ARB2A: variants seen among roughly 807,000 people sequenced by gnomAD.
ARB2A encodes cotranscriptional regulator ARB2A.
chr5:93,841,416 G>T, the ARB2A span, among the ~76,000 whole-genome samples: 1 of 152,132 alleles, frequency 6.6e-6, no homozygotes, highest in African/African-American at 2.4e-5. Flanking sequence ...ATGATTTAAA[G>T]TCTATGGGAG....
chr5:93,803,150 G>T, the ARB2A span, among the ~76,000 whole-genome samples: 1 of 152,058 alleles, frequency 6.6e-6, no homozygotes, highest in Non-Finnish European at 1.5e-5. Flanking sequence ...GCCTATCCAC[G>T]AGGAATGAGG....
chr5:93,827,808 T>C, the ARB2A span, among the ~76,000 whole-genome samples: 3 of 151,910 alleles, frequency 2.0e-5, no homozygotes, highest in Non-Finnish European at 4.4e-5. Context: ...TTCAGCTTTC[T>C]ACATATGGCT....
At chr5:93,743,446 A>T in the ARB2A span, 1 of 649,884 alleles carries the variant, frequency 1.5e-6, no homozygotes, top group Non-Finnish European at 1.9e-6. Context: ...ATTAGATTTT[A>T]AGATGACAGT....
At chr5:93,940,816 G>A in the ARB2A span, among the ~76,000 whole-genome samples, 3 of 151,990 alleles carry the variant, frequency 2.0e-5, no homozygotes, top group South Asian at 6.2e-4. Flanking sequence ...TTATAGCTTA[G>A]TGTCTCAGTT....
chr5:94,085,282 AG>A, the ARB2A span, among the ~76,000 whole-genome samples: 5 of 152,358 alleles, frequency 3.3e-5, no homozygotes, highest in African/African-American at 1.2e-4. Context: ...AGTGTCACAA[AG>A]CAACAATAAA....
At chr5:94,033,712 G>A in the ARB2A span, among the ~76,000 whole-genome samples, 17 of 152,252 alleles carry the variant, frequency 1.1e-4, no homozygotes, top group South Asian at 4.1e-4. Context: ...GGCATGAGCC[G>A]CTGTGCCTGG....
the ARB2A span, among the ~76,000 whole-genome samples, chr5:94,062,422 C>A: frequency 1.3e-5 from 2 of 152,002 alleles, no homozygotes; most frequent in East Asian, 1.9e-4. Context: ...AAGAAACACC[C>A]AAAAAGCAAA....
chr5:94,031,114 G>A, the ARB2A span, among the ~76,000 whole-genome samples: 1 of 152,304 alleles, frequency 6.6e-6, no homozygotes, highest in South Asian at 2.1e-4. Context: ...TTCTATACCT[G>A]AAAATATGGA....
chr5:93,690,549 C>T, the ARB2A span, among the ~76,000 whole-genome samples: 1 of 152,138 alleles, frequency 6.6e-6, no homozygotes, highest in South Asian at 2.1e-4. Context: ...AGGCAGCAGC[C>T]CCAGTCAGGG....
At chr5:94,012,629 G>A in the ARB2A span, among the ~76,000 whole-genome samples, 1 of 152,178 alleles carries the variant, frequency 6.6e-6, no homozygotes, top group Admixed American at 6.5e-5. Flanking sequence ...GTACATCAGG[G>A]AGCGACTCAA....
chr5:94,011,606 T>C, the ARB2A span, among the ~76,000 whole-genome samples: 14 of 152,128 alleles, frequency 9.2e-5, no homozygotes, highest in African/African-American at 3.4e-4. Context: ...GAATAACCAA[T>C]ATAATGTAGA....
the ARB2A span, among the ~76,000 whole-genome samples, chr5:93,702,981 T>C: frequency 6.6e-6 from 1 of 152,160 alleles, no homozygotes; most frequent in African/African-American, 2.4e-5. Context: ...ATCGATAGTT[T>C]AAATAAAAAA....
At chr5:93,641,699 C>T in the ARB2A span, among the ~76,000 whole-genome samples, 18 of 152,098 alleles carry the variant, frequency 1.2e-4, no homozygotes, top group Admixed American at 4.6e-4. Context: ...CTTAAAAATT[C>T]TAACAATGGG....
At chr5:93,765,651 C>T in the ARB2A span, among the ~76,000 whole-genome samples, 1 of 152,154 alleles carries the variant, frequency 6.6e-6, no homozygotes, top group African/African-American at 2.4e-5. Flanking sequence ...ATGCCATCCC[C>T]ATCAAGCTAC....
At chr5:93,854,155 G>A in the ARB2A span, among the ~76,000 whole-genome samples, 175 of 152,296 alleles carry the variant, frequency 1.1e-3, 1 homozygote, top group African/African-American at 4.0e-3. Flanking sequence ...GGTCTATTCA[G>A]AGATTCAACT....
At chr5:93,748,122 A>C in the ARB2A span, among the ~76,000 whole-genome samples, 1 of 152,188 alleles carries the variant, frequency 6.6e-6, no homozygotes, top group African/African-American at 2.4e-5. Context: ...AGACATGTAG[A>C]TGAAACATAA....
At chr5:93,823,154 G>T in the ARB2A span, among the ~76,000 whole-genome samples, 1 of 152,118 alleles carries the variant, frequency 6.6e-6, no homozygotes, top group East Asian at 1.9e-4. Flanking sequence ...TTTATGGTAG[G>T]ATTGGTAACT....
chr5:93,747,196 C>T, the ARB2A span, among the ~76,000 whole-genome samples: 4 of 152,154 alleles, frequency 2.6e-5, no homozygotes, highest in East Asian at 1.9e-4. Flanking sequence ...CAGAGAAGTA[C>T]ATGAGAAGTA....
At chr5:94,044,805 G>A in the ARB2A span, among the ~76,000 whole-genome samples, 4 of 151,920 alleles carry the variant, frequency 2.6e-5, no homozygotes, top group African/African-American at 4.8e-5. Context: ...AGTGACCTCT[G>A]GTTGTCTTCA....
Sources: gnomAD v4.1 joint callset for allele counts (sites outside exome capture counted in the v4.1 genomes callset) on GRCh38, gnomAD v4.1.1 for gene constraint, MANE v1.5 for transcripts, NCBI Gene and HGNC (gene_info 2026-07-23, HGNC 2026-07-21) for gene names.